PRKRA: variants seen among roughly 807,000 people sequenced by gnomAD.
PRKRA encodes protein activator of interferon induced protein kinase EIF2AK2.
In PRKRA, 22 loss-of-function variants were observed where a neutral mutation model predicts 32.4. The observed-to-expected ratio is 0.68, with a 90% confidence interval of 0.49 to 0.97. The LOEUF is 0.97. Ranked by LOEUF, PRKRA falls within the 50% of genes least tolerant of loss-of-function variation. The probability of loss-of-function intolerance (pLI) is 0.00; values close to 1 mark genes in which losing one functional copy is unlikely to be tolerated. For missense variants in PRKRA, 319 were observed against 375.6 expected (o/e 0.85, Z 1.25); for synonymous variants, 139 against 129.8 (o/e 1.07, Z -0.48).
intron 2 of PRKRA, 96 bp downstream of exon 2, chr2:178,450,146 C>T: frequency 2.0e-6 from 3 of 1,491,030 alleles, no homozygotes; most frequent in Non-Finnish European, 2.8e-6. Context: ...TTCCTCACAG[C>T]TGTCTGGCAA....
chr2:178,438,612 ATTC>A (rs1432575269), intron 6 of PRKRA, among the ~76,000 whole-genome samples: 6 of 151,514 alleles, frequency 4.0e-5, no homozygotes, highest in Admixed American at 3.9e-4. Context: ...TTTCTTGGCT[ATTC>A]TTGAGGGTTT....
rs1365878283 is a variant in PRKRA at position 178,451,033 on chromosome 2, C to A, written c.-3G>T. On this transcript the variant is annotated 5_prime_UTR_variant, in exon 1 of 8. Transcript: ENST00000325748. The stretch of plus-strand genomic sequence containing the variant: ...GCGCGGTGCCTGCTCTGGGACATGG[C>A]GAGAAGGGACGGCTCAGCGGCTGGA... 3.2e-6 allele frequency: 5 copies of A among 1,555,786 alleles called. No homozygotes were observed. The highest frequency in any genetic ancestry group is 4.3e-6 in the Non-Finnish European group (5 of 1,156,196).
intron 6 of PRKRA, 36 bp downstream of exon 6, chr2:178,441,574 A>T: frequency 1.3e-6 from 1 of 773,556 alleles, no homozygotes. Flanking sequence ...AGAAATGCTT[A>T]ATGACATTAA....
chr2:178,443,549 G>A lies in PRKRA; in HGVS notation c.397-165C>T, dbSNP rs75610815. 4.2e-3 allele frequency: 2,417 copies of A among 576,452 alleles called. 25 individuals carry two copies. Among genetic ancestry groups the A allele is most frequent in the African/African-American group, 0.034 (1,823 of 53,148 alleles). The allele number at this position is 576,452 out of a possible 1,614,324, so 35.7% of individuals were successfully genotyped here. A position where few individuals can be genotyped will look rare whatever the true frequency, so the allele number is the denominator to read the frequency against. On this transcript the variant is annotated intron_variant, in intron 4 of 7. Coordinates refer to ENST00000325748, the MANE Select transcript of PRKRA (RefSeq NM_003690.5). ...CCCTCTATTTCTCAAAGACATTCCC[G>A]CATTTTATATTTTTATACCCCAATA...
intron 2 of PRKRA, 60 bp downstream of exon 2, chr2:178,450,181 AG>A: frequency 6.2e-7 from 1 of 1,602,364 alleles, no homozygotes; most frequent in South Asian, 1.1e-5. Context: ...CGAACTGAAA[AG>A]CAACACCAAG....
intron 2 of PRKRA, 128 bp from the exon 3 acceptor site, chr2:178,447,714 T>TACG: frequency 1.2e-6 from 1 of 852,410 alleles, no homozygotes; most frequent in Non-Finnish European, 1.8e-6. Context: ...TAAAAATATG[T>TACG]ACGTTATATA....
intron 1 of PRKRA, 169 bp from the exon 2 acceptor site, chr2:178,450,580 G>A: frequency 6.7e-7 from 1 of 1,501,384 alleles, no homozygotes; most frequent in Non-Finnish European, 8.8e-7. Context: ...CGGCCCCGCT[G>A]CGGCAGTCAC....
At position 178,442,262 on chromosome 2, in the gene PRKRA, TATA is replaced by T. The variant is rs540073546; in HGVS notation, c.515-561_515-559del. On this transcript the variant is annotated intron_variant, in intron 5 of 7. Transcript: ENST00000325748. Reference sequence around the variant, plus strand: ...TTAATAGTTATGCTTTCTGTTTTTCTATAATAATTGTATTTTCCTATGTCTAGC... The same window carrying T: ...TTAATAGTTATGCTTTCTGTTTTTCTATAATTGTATTTTCCTATGTCTAGC... Among the ~76,000 whole-genome samples, 12 of 152,372 alleles carry T rather than the reference TATA, an allele frequency of 7.9e-5. No homozygotes were observed. The South Asian group carries it at 8.3e-4, about 11-fold the overall frequency.
chr2:178,436,565 G>C (rs930747211), intron 6 of PRKRA, among the ~76,000 whole-genome samples: 2 of 152,134 alleles, frequency 1.3e-5, no homozygotes, highest in African/African-American at 4.8e-5. Flanking sequence ...ATTTTGTATA[G>C]TACAAATGTT....
At chr2:178,443,424 A>G in intron 4 of PRKRA, 40 bp from the exon 5 acceptor site, 2 of 644,970 alleles carry the variant, frequency 3.1e-6, no homozygotes, top group Non-Finnish European at 4.8e-6. Context: ...AATTTTATGC[A>G]ATGGCTCAAT....
In PRKRA at chr2:178,431,900, TATACTG is replaced by T. The variant is rs1194665514; in HGVS notation, c.*191_*196del. 2.9e-6 allele frequency: 2 copies of T among 678,628 alleles called. No individual in the cohort carries two copies. The highest frequency in any genetic ancestry group is 4.9e-6 in the Non-Finnish European group (2 of 404,908). 42.0% of individuals were successfully genotyped at this position (678,628 alleles called of 1,614,324 possible). A position where few individuals can be genotyped will look rare whatever the true frequency, so the allele number is the denominator to read the frequency against. ...TGTGGTACAAAGTTTATAAATACAG[TATACTG>T]ATACAAAGTTGAAGCCATTAAAAAG... On this transcript the variant is annotated 3_prime_UTR_variant, in exon 8 of 8. Coordinates refer to ENST00000325748, the MANE Select transcript of PRKRA (RefSeq NM_003690.5).
At position 178,436,222 on chromosome 2, in the gene PRKRA, A is replaced by G. The variant is rs752671940; in HGVS notation, c.707T>C (p.Ile236Thr). Residue 236 changes from isoleucine (I) to threonine (T), a missense_variant, in exon 7 of 8, where the codon ATT (isoleucine) becomes ACT (threonine). By Grantham distance (89) the Ile-to-Thr change is moderately conservative. Transcript: ENST00000325748. Reference sequence around the variant, plus strand: ...CAGCTGGATGTAATCTGTATTTGGAATACTAAGGAGGCTTCTTTTCAGTAA... The same window carrying G: ...CAGCTGGATGTAATCTGTATTTGGAGTACTAAGGAGGCTTCTTTTCAGTAA... ...INLLKRSLLS[I>T]PNTDYIQLLS... 6.2e-7 allele frequency: 1 copy of G among 1,613,012 alleles called. No homozygotes were observed. The highest frequency in any genetic ancestry group is 8.5e-7 in the Non-Finnish European group (1 of 1,179,004).
At chr2:178,450,680 A>G in intron 1 of PRKRA, 2 of 1,418,600 alleles carry the variant, frequency 1.4e-6, no homozygotes, top group African/African-American at 2.9e-5. Flanking sequence ...GGCTGGCAGC[A>G]GCGCCGCAGC....
intron 3 of PRKRA, 26 bp from the exon 4 acceptor site, chr2:178,444,526 A>C (rs1006291811): frequency 3.8e-5 from 27 of 717,586 alleles, no homozygotes; most frequent in Non-Finnish European, 5.5e-5. Context: ...AAGTGTTATA[A>C]AACAAAATAA....
intron 2 of PRKRA, among the ~76,000 whole-genome samples, chr2:178,448,769 T>TA (rs1349623224): frequency 1.3e-5 from 2 of 152,184 alleles, no homozygotes; most frequent in African/African-American, 4.8e-5. Context: ...AGTGGATTAT[T>TA]AAACGCCAAT....
At chr2:178,435,625 G>C (rs960527874) in intron 7 of PRKRA, among the ~76,000 whole-genome samples, 8 of 152,142 alleles carry the variant, frequency 5.3e-5, no homozygotes, top group African/African-American at 1.9e-4. Flanking sequence ...AGAGAGAAAA[G>C]GTCTGGGCAC....
chr2:178,448,738 C>T lies in PRKRA; in HGVS notation c.236-1152G>A, dbSNP rs920416232. ...GTAGCAATGGCCAGAAGAGAGAAGCCGACAGATTCAATGGATAGTTAGTGG... is the reference window on the plus strand; with the variant it reads ...GTAGCAATGGCCAGAAGAGAGAAGCTGACAGATTCAATGGATAGTTAGTGG... On this transcript the variant is annotated intron_variant, in intron 2 of 7. Transcript: ENST00000325748. 9.2e-5 allele frequency among the ~76,000 whole-genome samples: 14 copies of T among 152,164 alleles called. No individual in the cohort carries two copies. The East Asian group carries it at 2.5e-3, about 27-fold the overall frequency.
rs201935204 is a variant in PRKRA, at chr2:178,436,206, G to A, written c.723C>T (p.Tyr241=). 1.2e-6 allele frequency: 2 copies of A among 1,612,618 alleles called. No individual in the cohort carries two copies. Among genetic ancestry groups the A allele is most frequent in the East Asian group, 2.2e-5 (1 of 44,844 alleles). ...TGGCAATTTCACTAAGCAGCTGGAT[G>A]TAATCTGTATTTGGAATACTAAGGA... ...RSLLSIPNTD[Y]IQLLSEIAKE... Residue 241 remains tyrosine (Y), a synonymous_variant, in exon 7 of 8, where the codon TAC becomes TAT. Transcript: ENST00000325748.
chr2:178,432,440 A>ACT (rs1696701836), intron 7 of PRKRA, among the ~76,000 whole-genome samples, 186 bp from the exon 8 acceptor site: 1 of 152,230 alleles, frequency 6.6e-6, no homozygotes, highest in Non-Finnish European at 1.5e-5. Context: ...AGCAGTTTTC[A>ACT]AACACATTAC....
Sources: allele counts gnomAD v4.1 joint callset (sites outside exome capture counted in the v4.1 genomes callset), GRCh38; gene constraint gnomAD v4.1.1; transcripts MANE v1.5; gene names NCBI Gene and HGNC (gene_info 2026-07-23, HGNC 2026-07-21).